The following SPIRE1 variants were observed in gnomAD, a reference collection of about 807,000 sequenced individuals.
The protein encoded by SPIRE1 is protein spire homolog 1.
Under a neutral mutation model 94.1 loss-of-function variants are expected in SPIRE1, and 40 were observed. That is an observed-to-expected ratio of 0.43 (90% CI 0.33 to 0.55). The LOEUF (loss-of-function observed/expected upper bound fraction) is 0.55. Ranked by LOEUF, SPIRE1 falls within the 20% of genes least tolerant of loss-of-function variation. The pLI is 0.06. For synonymous variants in SPIRE1, 376 were observed against 371.7 expected (o/e 1.01, Z -0.13); for missense variants, 838 against 975.2 (o/e 0.86, Z 1.87).
intron 3 of SPIRE1, among the ~76,000 whole-genome samples, chr18:12,545,555 C>T (rs938442937): frequency 6.6e-6 from 1 of 152,128 alleles, no homozygotes; most frequent in African/African-American, 2.4e-5. Flanking sequence ...TAACTGAAAA[C>T]AGAATGCTTT....
At chr18:12,606,147 T>G (rs552874085) in intron 2 of SPIRE1, among the ~76,000 whole-genome samples, 2 of 151,962 alleles carry the variant, frequency 1.3e-5, no homozygotes, top group African/African-American at 4.8e-5. Context: ...ACTCTATCCC[T>G]TGCCCCCCCT....
intron 3 of SPIRE1, among the ~76,000 whole-genome samples, chr18:12,545,252 T>C (rs2035129536): frequency 1.3e-5 from 2 of 152,236 alleles, no homozygotes; most frequent in African/African-American, 2.4e-5. Context: ...TATATATATG[T>C]ATTTTATGTG....
At chr18:12,549,233 C>G (rs931318404) in intron 2 of SPIRE1, among the ~76,000 whole-genome samples, 1 of 152,046 alleles carries the variant, frequency 6.6e-6, no homozygotes, top group African/African-American at 2.4e-5. Flanking sequence ...ATCAGAGCGT[C>G]CCTACTAATA....
At chr18:12,605,475 C>T (rs1014473514) in intron 2 of SPIRE1, among the ~76,000 whole-genome samples, 11 of 152,138 alleles carry the variant, frequency 7.2e-5, no homozygotes, top group African/African-American at 2.7e-4. Context: ...CACTGCCCTC[C>T]AGCCTGGTAA....
chr18:12,558,776 G>C (rs1032474672), intron 2 of SPIRE1, among the ~76,000 whole-genome samples: 2 of 152,172 alleles, frequency 1.3e-5, no homozygotes, highest in African/African-American at 2.4e-5. Context: ...GACACAGAGG[G>C]CTGATTGGTG....
intron 1 of SPIRE1, among the ~76,000 whole-genome samples, chr18:12,652,020 C>T (rs1666506806): frequency 6.6e-6 from 1 of 152,122 alleles, no homozygotes; most frequent in Middle Eastern, 3.2e-3. Flanking sequence ...AAAGGTACAT[C>T]AAAAATTTTG....
intron 2 of SPIRE1, among the ~76,000 whole-genome samples, chr18:12,624,174 G>A (rs1372565470): frequency 6.6e-6 from 1 of 151,680 alleles, no homozygotes; most frequent in East Asian, 2.0e-4. Context: ...CGCCCGCCTC[G>A]GCCTCCCAAA....
At chr18:12,473,632 A>G (rs1051788639) in intron 10 of SPIRE1, among the ~76,000 whole-genome samples, 2 of 152,232 alleles carry the variant, frequency 1.3e-5, no homozygotes, top group East Asian at 3.8e-4. Context: ...AAAAGAATTA[A>G]GGAGTTTTTT....
chr18:12,558,446 A>G (rs1179116757), intron 2 of SPIRE1, among the ~76,000 whole-genome samples: 1 of 152,216 alleles, frequency 6.6e-6, no homozygotes, highest in Admixed American at 6.5e-5. Flanking sequence ...GAGCGAAAGA[A>G]CAAACCTTTC....
intron 4 of SPIRE1, among the ~76,000 whole-genome samples, chr18:12,517,592 G>C (rs1265292155): frequency 1.3e-5 from 2 of 152,074 alleles, no homozygotes; most frequent in East Asian, 1.9e-4. Flanking sequence ...CTTGAGATAT[G>C]GTGAGAAAGT....
At chr18:12,584,847 G>A (rs1268740475) in intron 2 of SPIRE1, among the ~76,000 whole-genome samples, 1 of 151,988 alleles carries the variant, frequency 6.6e-6, no homozygotes, top group African/African-American at 2.4e-5. Flanking sequence ...TGGCGCGATC[G>A]CAGCTCACTG....
chr18:12,635,578 T>G (rs1261625861), intron 1 of SPIRE1, among the ~76,000 whole-genome samples: 1 of 152,212 alleles, frequency 6.6e-6, no homozygotes, highest in Non-Finnish European at 1.5e-5. Context: ...CTGTTTTTCT[T>G]TAATATATGA....
intron 1 of SPIRE1, among the ~76,000 whole-genome samples, chr18:12,654,285 C>T (rs1330946240): frequency 3.5e-5 from 5 of 143,446 alleles, no homozygotes; most frequent in South Asian, 2.2e-4. Flanking sequence ...TGCAGTCAGC[C>T]GAGACTGCAC....
intron 1 of SPIRE1, among the ~76,000 whole-genome samples, chr18:12,648,702 C>G (rs899417372): frequency 1.3e-5 from 2 of 151,812 alleles, no homozygotes; most frequent in African/African-American, 4.8e-5. Context: ...CCAGCCTGAC[C>G]AACATGGAGA....
chr18:12,526,702 AT>A (rs138928633), intron 4 of SPIRE1, among the ~76,000 whole-genome samples: 1 of 150,686 alleles, frequency 6.6e-6, no homozygotes, highest in African/African-American at 2.4e-5. Context: ...AAGACATTTT[AT>A]TTTTTTTAAT....
chr18:12,489,957 A>C (rs1441124738), intron 8 of SPIRE1, among the ~76,000 whole-genome samples: 1 of 152,202 alleles, frequency 6.6e-6, no homozygotes, highest in Non-Finnish European at 1.5e-5. Context: ...AGTGATACAA[A>C]TATTTAGGGA....
In SPIRE1 at chr18:12,453,070, C is replaced by T; in HGVS notation, c.1845G>A (p.Lys615=). 1.3e-6 allele frequency: 2 copies of T among 1,576,142 alleles called. No homozygotes were observed. Among genetic ancestry groups the T allele is most frequent in the Non-Finnish European group, 1.7e-6 (2 of 1,165,516 alleles). The stretch of plus-strand genomic sequence containing the variant: ...TCATCAATTACAAAATACCTTACCT[C>T]TTACAGAACTGACAGGTATAAGACC... The part of the protein sequence containing the change: ...FTWSYTCQFC[K]RPVCSQCCKK... Residue 615 remains lysine, a splice_region_variant and synonymous_variant, in exon 14 of 17, where the codon AAG becomes AAA. Coordinates refer to ENST00000409402, the MANE Select transcript of SPIRE1 (RefSeq NM_001128626.2).
chr18:12,602,942 A>G (rs1471304177), intron 2 of SPIRE1, among the ~76,000 whole-genome samples: 1 of 152,194 alleles, frequency 6.6e-6, no homozygotes, highest in Non-Finnish European at 1.5e-5. Context: ...ATTTGTAGGT[A>G]AACATTTTAG....
chr18:12,619,733 C>A (rs1406549216), intron 2 of SPIRE1, among the ~76,000 whole-genome samples: 3 of 150,624 alleles, frequency 2.0e-5, no homozygotes, highest in Non-Finnish European at 4.4e-5. Flanking sequence ...GTAGTCCTAG[C>A]TACTCAGGAG....
Sources: gnomAD v4.1 joint callset for allele counts (sites outside exome capture counted in the v4.1 genomes callset) on GRCh38, gnomAD v4.1.1 for gene constraint, MANE v1.5 for transcripts, NCBI Gene and HGNC (gene_info 2026-07-23, HGNC 2026-07-21) for gene names.